Variants in FANCM observed in about 807,000 individuals in gnomAD.
The protein encoded by FANCM is Fanconi anemia group M protein.
A neutral mutation model predicts 199.5 loss-of-function variants in FANCM; 140 were observed. The ratio of observed to expected loss-of-function variants is 0.70; its 90% CI spans 0.61 to 0.81. The LOEUF is 0.81. Among genes scored for constraint, FANCM ranks in the 30% least tolerant of loss-of-function variants. The pLI is 0.00. For synonymous variants in FANCM, 840 were observed against 836.8 expected (o/e 1.00, Z -0.07); for missense variants, 2,410 against 2,421.4 (o/e 1.00, Z 0.10).
chr14:45,169,987 C>T (rs1888236425), intron 11 of FANCM, among the ~76,000 whole-genome samples: 1 of 152,146 alleles, frequency 6.6e-6, no homozygotes, highest in Non-Finnish European at 1.5e-5. Flanking sequence ...ACACCCCCAC[C>T]AAGCTTCAGA....
chr14:45,174,093 CA>C (rs1888510264), intron 13 of FANCM, among the ~76,000 whole-genome samples: 1 of 151,914 alleles, frequency 6.6e-6, no homozygotes. Context: ...ATTTATTATT[CA>C]AAAAAGCAGA....
chr14:45,143,690 ATTTT>A (rs869298490), intron 3 of FANCM, among the ~76,000 whole-genome samples: 1 of 123,962 alleles, frequency 8.1e-6, no homozygotes, highest in Non-Finnish European at 1.7e-5. Flanking sequence ...TTGAGTAAGG[ATTTT>A]TTTTTTTTTT....
chr14:45,200,568 T>A lies in FANCM; in HGVS notation c.*560T>A, dbSNP rs915407352. On this transcript the variant is annotated 3_prime_UTR_variant, in exon 23 of 23. Transcript: ENST00000267430. ...TTAAGTACTGTCAAATCTATTAATATGAACTCTGATATGGTTTGGCTGTGT... is the reference window on the plus strand; with the variant it reads ...TTAAGTACTGTCAAATCTATTAATAAGAACTCTGATATGGTTTGGCTGTGT... The A allele has an allele frequency of 1.3e-4, 20 of 152,494 alleles. No individual in the cohort carries two copies. The highest frequency in any genetic ancestry group is 4.4e-5 in the Non-Finnish European group (3 of 68,264). 9.4% of individuals were successfully genotyped at this position (152,494 alleles called of 1,614,324 possible). A position where few individuals can be genotyped will look rare whatever the true frequency, so the allele number is the denominator to read the frequency against.
chr14:45,159,569 TTCC>T (rs995591867), intron 9 of FANCM, among the ~76,000 whole-genome samples: 6 of 152,298 alleles, frequency 3.9e-5, no homozygotes, highest in Middle Eastern at 3.4e-3. Flanking sequence ...GTTTCTTTAC[TTCC>T]TCTTCCTCAG....
intron 3 of FANCM, among the ~76,000 whole-genome samples, chr14:45,145,991 G>A (rs1431009998): frequency 1.0e-4 from 14 of 140,090 alleles, no homozygotes; most frequent in East Asian, 4.2e-4. Flanking sequence ...CCCGGGAGGC[G>A]GAGCTTGCAG....
chr14:45,153,953 G>A lies in FANCM; in HGVS notation c.1084G>A (p.Ala362Thr). ...ACAAGGCATAATCGAGGGAGAGTTT[G>A]CTATTTGTATTAGTTTATATCATGG... ...IQQGIIEGEF[A>T]ICISLYHGYE... is the part of the protein sequence containing the mutation. The change falls in exon 6 of 23, where the codon GCT becomes ACT. Residue 362 changes from alanine (A) to threonine (T), a missense_variant. Transcript: ENST00000267430. The A allele has an allele frequency of 6.2e-7, 1 of 1,606,462 alleles. No individual in the cohort carries two copies. Among genetic ancestry groups the A allele is most frequent in the Non-Finnish European group, 8.5e-7 (1 of 1,173,120 alleles).
rs993667637 is a variant in FANCM at position 45,139,103 on chromosome 14, G to T, written c.682-1529G>T. ...AAGCAATCTTTTTGTCTTCCTTACTGCACTCATGACTTTTCAAAAATCCTT... is the reference window on the plus strand; with the variant it reads ...AAGCAATCTTTTTGTCTTCCTTACTTCACTCATGACTTTTCAAAAATCCTT... On this transcript the variant is annotated intron_variant, in intron 2 of 22. Transcript: ENST00000267430. 6.5e-4 allele frequency among the ~76,000 whole-genome samples: 99 copies of T among 152,226 alleles called. 1 individual carries two copies. The highest frequency in any genetic ancestry group is 8.8e-5 in the Non-Finnish European group (6 of 68,006).
At chr14:45,147,351 C>T (rs1886476501) in intron 3 of FANCM, among the ~76,000 whole-genome samples, 1 of 151,634 alleles carries the variant, frequency 6.6e-6, no homozygotes, top group Non-Finnish European at 1.5e-5. Context: ...GCCCTGTCAC[C>T]CAGGCTGGAA....
At position 45,200,797 on chromosome 14, in the gene FANCM, C is replaced by G. The variant is rs1343830001; in HGVS notation, c.*789C>G. 6.6e-6 allele frequency: 1 copy of G among 152,192 alleles called. No homozygotes were observed. Among genetic ancestry groups the G allele is most frequent in the African/African-American group, 2.4e-5 (1 of 41,430 alleles). 9.4% of individuals were successfully genotyped at this position (152,192 alleles called of 1,614,324 possible). ...GCCTACTGCCATGTGGAAAAGGAAA[C>G]GTTTGCTTCCCCTCCACCATGATTG... On this transcript the variant is annotated 3_prime_UTR_variant, in exon 23 of 23. Coordinates refer to ENST00000267430, the MANE Select transcript of FANCM (RefSeq NM_020937.4).
At chr14:45,151,255 A>C (rs1471730474) in intron 4 of FANCM, 142 bp from the exon 5 acceptor site, 1 of 670,520 alleles carries the variant, frequency 1.5e-6, no homozygotes, top group African/African-American at 1.8e-5. Flanking sequence ...TTTAAATGTT[A>C]TCATTGCTGA....
rs2139318926 is a variant in FANCM at position 45,196,204 on chromosome 14, A to G, written c.5373A>G (p.Ser1791=). The G allele has an allele frequency of 6.2e-7, 1 of 1,614,148 alleles. No individual in the cohort carries two copies. The highest frequency in any genetic ancestry group is 8.5e-7 in the Non-Finnish European group (1 of 1,179,982). The change falls in exon 21 of 23, where the codon TCA becomes TCG. Residue 1791 remains serine (S), a synonymous_variant. Transcript: ENST00000267430. ...DGSALEDSST[S]GASCSKSRPH... is the part of the protein sequence containing the mutation. ...GTGCTTTGGAGGATTCTAGCACTTC[A>G]GGGGCATCCTGTTCCAAGTCAAGAC...
chr14:45,175,719 A>G lies in FANCM; in HGVS notation c.2965A>G (p.Asn989Asp), dbSNP rs746402682. The change falls in exon 14 of 23, where the codon AAT (asparagine) becomes GAT (aspartate). Residue 989 changes from asparagine (N) to aspartate (D), a missense_variant. Coordinates refer to ENST00000267430, the MANE Select transcript of FANCM (RefSeq NM_020937.4). ...CHSLTKEVLA[N>D]VERFLSYSPP... Reference sequence around the variant, plus strand: ...CTCATTGACAAAAGAGGTACTAGCTAATGTAGAGAGATTTTTATCTTATTC... The same window carrying G: ...CTCATTGACAAAAGAGGTACTAGCTGATGTAGAGAGATTTTTATCTTATTC... The G allele has an allele frequency of 1.2e-6, 2 of 1,613,810 alleles. No individual in the cohort carries two copies. Among genetic ancestry groups the G allele is most frequent in the South Asian group, 2.2e-5 (2 of 91,078 alleles).
Position 45,181,544 on chromosome 14 carries a change from C to G in FANCM, c.4317+20C>G, listed in dbSNP as rs749167463. On this transcript the variant is annotated intron_variant, in intron 15 of 22. Transcript: ENST00000267430. ...CCTGAGGTGAGTCATTCAGTAATCACAATAGTATAATCATATCAAAGGCTA... is the reference window on the plus strand; with the variant it reads ...CCTGAGGTGAGTCATTCAGTAATCAGAATAGTATAATCATATCAAAGGCTA... 1 of 1,540,386 alleles carries G rather than the reference C, an allele frequency of 6.5e-7. No homozygotes were observed. The highest frequency in any genetic ancestry group is 1.4e-5 in the African/African-American group (1 of 73,416).
chr14:45,165,064 A>G (rs1594785036), intron 10 of FANCM, among the ~76,000 whole-genome samples: 1 of 152,238 alleles, frequency 6.6e-6, no homozygotes, highest in African/African-American at 2.4e-5. Flanking sequence ...GCCTATTTTA[A>G]GTGATAAGGA....
At chr14:45,186,903 G>T (rs1889436026) in intron 18 of FANCM, among the ~76,000 whole-genome samples, 1 of 152,188 alleles carries the variant, frequency 6.6e-6, no homozygotes, top group African/African-American at 2.4e-5. Flanking sequence ...GCCTATAGGG[G>T]AACAGAGGTA....
intron 21 of FANCM, among the ~76,000 whole-genome samples, chr14:45,197,210 A>G (rs1890107295): frequency 1.3e-5 from 2 of 152,178 alleles, no homozygotes; most frequent in Admixed American, 1.3e-4. Context: ...TCTGTGTGAT[A>G]TTGCATTGAC....
rs761300333 is a variant in FANCM at position 45,176,279 on chromosome 14, G to T, written c.3525G>T (p.Gln1175His). Residue 1175 changes from glutamine to histidine, a missense_variant, in exon 14 of 23, where the codon CAG (glutamine) becomes CAT (histidine). By Grantham distance (24) the Gln-to-His change is conservative (BLOSUM62 0). Coordinates refer to ENST00000267430, the MANE Select transcript of FANCM (RefSeq NM_020937.4). ...TAISETPLVS[Q>H]FLISDELLLD... Reference sequence around the variant, plus strand: ...TTAGTGAAACGCCTCTGGTCTCTCAGTTCTTAATTTCTGATGAACTTTTGT... The same window carrying T: ...TTAGTGAAACGCCTCTGGTCTCTCATTTCTTAATTTCTGATGAACTTTTGT... 45 of 1,613,924 alleles carry T rather than the reference G, an allele frequency of 2.8e-5. No individual in the cohort carries two copies. In the East Asian group the frequency reaches 4.7e-4, roughly 17 times the overall value.
At chr14:45,151,145 TAAAC>T (rs1886787789) in intron 4 of FANCM, among the ~76,000 whole-genome samples, 1 of 152,088 alleles carries the variant, frequency 6.6e-6, no homozygotes. Flanking sequence ...AGTTAAGAAA[TAAAC>T]AGATAAACGA....
intron 14 of FANCM, among the ~76,000 whole-genome samples, chr14:45,177,828 T>G (rs1196764774): frequency 6.6e-6 from 1 of 152,178 alleles, no homozygotes; most frequent in Non-Finnish European, 1.5e-5. Flanking sequence ...AAGTATGATT[T>G]TGGGAGATAG....
Sources: allele counts gnomAD v4.1 joint callset (sites outside exome capture counted in the v4.1 genomes callset), GRCh38; gene constraint gnomAD v4.1.1; transcripts MANE v1.5; gene names NCBI Gene and HGNC (gene_info 2026-07-23, HGNC 2026-07-21).